The following MAST2 variants were observed in gnomAD, a reference collection of about 807,000 sequenced individuals.
The protein encoded by MAST2 is microtubule associated serine/threonine kinase 2.
A neutral mutation model predicts 147.4 loss-of-function variants in MAST2; 70 were observed. The ratio of observed to expected loss-of-function variants is 0.47; its 90% CI spans 0.39 to 0.58. MAST2 has a LOEUF of 0.58. MAST2 is among the 20% of genes least tolerant of loss of function. The pLI, the probability that MAST2 is intolerant of heterozygous loss-of-function variation, is 0.00. For synonymous variants in MAST2, 869 were observed against 896.8 expected, an observed-to-expected ratio of 0.97 and a Z score of 0.55; for missense variants, 2,080 against 2,302.3, an observed-to-expected ratio of 0.90 and a Z score of 1.98.
intron 4 of MAST2, among the ~76,000 whole-genome samples, chr1:45,910,528 C>A (rs1030732210): frequency 6.6e-6 from 1 of 152,158 alleles, no homozygotes; most frequent in Non-Finnish European, 1.5e-5. Flanking sequence ...CATATAAATA[C>A]ATTTACTAGT....
At chr1:45,811,338 A>ATT (rs57495413) in intron 1 of MAST2, among the ~76,000 whole-genome samples, 49,694 of 112,846 alleles carry the variant, frequency 0.44, 11,226 homozygotes, top group East Asian at 0.61. Flanking sequence ...GTATTTTTGT[A>ATT]TTTTTTTTTT....
In MAST2 at chr1:45,825,922, C is replaced by A. The variant is rs149024359; in HGVS notation, c.325+1342C>A. On this transcript the variant is annotated intron_variant, in intron 2 of 28. Coordinates refer to ENST00000361297, the MANE Select transcript of MAST2 (RefSeq NM_015112.3). The stretch of plus-strand genomic sequence containing the variant: ...CAAAACCCCGTCTCTACTAAAAATA[C>A]AAAGATTAGCCGGGCATGGTGATAT... 7.6e-3 allele frequency among the ~76,000 whole-genome samples: 1,151 copies of A among 151,980 alleles called. 16 individuals carry two copies. The highest frequency in any genetic ancestry group is 0.026 in the African/African-American group (1,099 of 41,482).
chr1:45,972,203 C>T (rs544102811), intron 5 of MAST2, among the ~76,000 whole-genome samples: 1 of 152,312 alleles, frequency 6.6e-6, no homozygotes, highest in South Asian at 2.1e-4. Flanking sequence ...ACATTCAGCA[C>T]ACTGGTTGGA....
At position 45,882,618 on chromosome 1, in the gene MAST2, G is replaced by A. The variant is rs568650944; in HGVS notation, c.500+223G>A. Among the ~76,000 whole-genome samples the A allele has an allele frequency of 7.9e-5, 12 of 152,224 alleles. No homozygotes were observed. The East Asian group carries it at 2.1e-3, about 27-fold the overall frequency. On this transcript the variant is annotated intron_variant, in intron 4 of 28. Coordinates refer to ENST00000361297, the MANE Select transcript of MAST2 (RefSeq NM_015112.3). ...CGACCTCCAAACCTCTTCCCTCTCA[G>A]TTTCTACATAGCATTCTGGGAAAGT...
chr1:46,016,896 G>A (rs1292773567), intron 10 of MAST2, among the ~76,000 whole-genome samples: 3 of 151,970 alleles, frequency 2.0e-5, no homozygotes, highest in Non-Finnish European at 2.9e-5. Context: ...AACAAAGCTG[G>A]AGGCATCATG....
chr1:46,016,115 A>T (rs1394702462), intron 10 of MAST2, among the ~76,000 whole-genome samples: 2 of 151,490 alleles, frequency 1.3e-5, no homozygotes, highest in Non-Finnish European at 2.9e-5. Flanking sequence ...GCCTTTGACA[A>T]AATTCAACAA....
Position 46,035,582 on chromosome 1 carries a change from C to A in MAST2, c.4913C>A (p.Thr1638Asn), listed in dbSNP as rs377756048. ...TALSPSTSGL[T>N]PTSSCSPPSS... Reference sequence around the variant, plus strand: ...CTTTCTCCCAGCACTTCGGGACTCACCCCCACCAGCAGTTGCTCTCCTCCC... The same window carrying A: ...CTTTCTCCCAGCACTTCGGGACTCAACCCCACCAGCAGTTGCTCTCCTCCC... Residue 1638 changes from threonine (T) to asparagine (N), a missense_variant, in exon 29 of 29, where the codon ACC becomes AAC. Physicochemically the swap from Thr to Asn is moderately conservative, Grantham distance 65. This residue lies in a region of MAST2 where 1,278 missense variants were observed against 1,304.2 expected (regional missense o/e 0.98). Coordinates refer to ENST00000361297, the MANE Select transcript of MAST2 (RefSeq NM_015112.3). The surrounding 1 kb of genome is among the most constrained non-coding windows in gnomAD (Gnocchi z 5.5). 3.5e-5 allele frequency: 57 copies of A among 1,613,726 alleles called. No individual in the cohort carries two copies. Among genetic ancestry groups the A allele is most frequent in the Non-Finnish European group, 4.3e-5 (51 of 1,180,008 alleles).
At chr1:45,919,400 A>G (rs1187341699) in intron 4 of MAST2, among the ~76,000 whole-genome samples, 1 of 152,244 alleles carries the variant, frequency 6.6e-6, no homozygotes, top group Non-Finnish European at 1.5e-5. Flanking sequence ...TGAAAAAAAA[A>G]TGTTAAAAAA....
At chr1:45,894,228 A>G (rs1648344545) in intron 4 of MAST2, among the ~76,000 whole-genome samples, 1 of 152,056 alleles carries the variant, frequency 6.6e-6, no homozygotes, top group African/African-American at 2.4e-5. Context: ...TAAAAAAAAA[A>G]AAAAATTACA....
rs550046286 is a variant in MAST2 at position 45,928,156 on chromosome 1, G to GTATA, written c.501-31229_501-31226dup. Among the ~76,000 whole-genome samples the GTATA allele has an allele frequency of 4.1e-3, 626 of 152,214 alleles. 2 individuals carry two copies. The highest frequency in any genetic ancestry group is 7.0e-3 in the Non-Finnish European group (476 of 68,004). Reference sequence around the variant, plus strand: ...GTATCGTCTACATTGTCAGCTCATGGTATACTATCTCATCTACATCCCCAC... The same window carrying GTATA: ...GTATCGTCTACATTGTCAGCTCATGGTATATATACTATCTCATCTACATCCCCAC... On this transcript the variant is annotated intron_variant, in intron 4 of 28. Coordinates refer to ENST00000361297, the MANE Select transcript of MAST2 (RefSeq NM_015112.3).
intron 6 of MAST2, among the ~76,000 whole-genome samples, chr1:45,998,307 C>G (rs1645137802): frequency 6.6e-6 from 1 of 152,164 alleles, no homozygotes; most frequent in African/African-American, 2.4e-5. Context: ...AGGGACTTCA[C>G]TTTTCCTTCT....
At chr1:45,851,415 G>A (rs79533505) in intron 3 of MAST2, among the ~76,000 whole-genome samples, 1,911 of 152,262 alleles carry the variant, frequency 0.013, 48 homozygotes, top group African/African-American at 0.044. Context: ...TGTCTGCAAA[G>A]AAAGATAGCT....
chr1:45,814,420 G>T (rs1348626242), intron 1 of MAST2, among the ~76,000 whole-genome samples: 3 of 152,116 alleles, frequency 2.0e-5, no homozygotes, highest in Non-Finnish European at 4.4e-5. Context: ...GCCTAGGCTA[G>T]TGCGTATGTT....
At chr1:45,894,521 C>G (rs1454602038) in intron 4 of MAST2, among the ~76,000 whole-genome samples, 1 of 151,954 alleles carries the variant, frequency 6.6e-6, no homozygotes, top group Non-Finnish European at 1.5e-5. Context: ...TAGCAAGACA[C>G]AAAATATTTG....
intron 4 of MAST2, among the ~76,000 whole-genome samples, chr1:45,896,445 C>G (rs1648746194): frequency 2.0e-5 from 3 of 152,172 alleles, no homozygotes. Flanking sequence ...GTGCCCTCCC[C>G]AGCCGTGTCA....
In MAST2 at chr1:46,035,012, C is replaced by G; in HGVS notation, c.4343C>G (p.Pro1448Arg). The G allele has an allele frequency of 6.2e-7, 1 of 1,614,050 alleles. No individual in the cohort carries two copies. The highest frequency in any genetic ancestry group is 8.5e-7 in the Non-Finnish European group (1 of 1,180,042). Residue 1448 changes from proline to arginine, a missense_variant, in exon 29 of 29, where the codon CCT becomes CGT. Pro to Arg is a moderately radical substitution (Grantham distance 103). Transcript: ENST00000361297. This position sits in a 1 kb window ranked among gnomAD's most constrained non-coding sequence, Gnocchi z 5.5. The stretch of plus-strand genomic sequence containing the variant: ...GAACTGCCGCCCAGGGAAGTGAGCC[C>G]TCTGGAGGTAGTTGGAGCCAGGAGT... ...KKELPPREVS[P>R]LEVVGARSVL...
At chr1:45,910,274 CACAGAGT>C (rs745963881) in intron 4 of MAST2, among the ~76,000 whole-genome samples, 36 of 152,008 alleles carry the variant, frequency 2.4e-4, no homozygotes, top group Non-Finnish European at 4.3e-4. Context: ...TAGTTATATC[CACAGAGT>C]ACAAAGTTTG....
intron 4 of MAST2, among the ~76,000 whole-genome samples, chr1:45,937,613 G>T (rs1656447224): frequency 1.3e-5 from 2 of 151,844 alleles, no homozygotes; most frequent in African/African-American, 4.8e-5. Flanking sequence ...TTAGCCGGGT[G>T]TAGTGTCGCG....
chr1:45,972,863 G>T (rs1214599056), intron 5 of MAST2, among the ~76,000 whole-genome samples: 1 of 152,086 alleles, frequency 6.6e-6, no homozygotes, highest in East Asian at 1.9e-4. Context: ...GGAATCATAG[G>T]GGAAGAGGGA....
Sources: allele counts gnomAD v4.1 joint callset (sites outside exome capture counted in the v4.1 genomes callset), GRCh38; gene constraint gnomAD v4.1.1; regional missense constraint gnomAD v4.1.1; non-coding constraint Gnocchi (gnomAD v3.1); transcripts MANE v1.5; gene names NCBI Gene and HGNC (gene_info 2026-07-23, HGNC 2026-07-21).